MAP7D2: variants seen among roughly 807,000 people sequenced by gnomAD.
MAP7D2 encodes the protein MAP7 domain-containing protein 2.
A neutral mutation model predicts 63.5 loss-of-function variants in MAP7D2; 33 were observed. The ratio of observed to expected loss-of-function variants is 0.52; its 90% CI spans 0.39 to 0.70. The LOEUF (loss-of-function observed/expected upper bound fraction) is 0.70. MAP7D2 is among the 30% of genes least tolerant of loss of function. The probability of loss-of-function intolerance (pLI) is 0.00; values close to 1 mark genes in which losing one functional copy is unlikely to be tolerated. For synonymous variants in MAP7D2, 224 were observed against 223.7 expected (o/e 1.00, Z -0.01); for missense variants, 626 against 604.0 (o/e 1.04, Z -0.38).
At chrX:20,081,487 A>G (rs2065776386) in intron 1 of MAP7D2, among the ~76,000 whole-genome samples, 1 of 111,029 alleles carries the variant, frequency 9.0e-6, no homozygotes, top group Admixed American at 9.6e-5. Context: ...TATTGTCCTC[A>G]TTCCTTGTTT....
Position 20,063,405 on chromosome X carries a change from G to A in MAP7D2, c.372+9C>T. Reference sequence around the variant, plus strand: ...CTGGAAGGTGGCGGAGGGTGCACCTGGGCCTTACCTCCTCCTCCCGGAGCT... The same window carrying A: ...CTGGAAGGTGGCGGAGGGTGCACCTAGGCCTTACCTCCTCCTCCCGGAGCT... On this transcript the variant is annotated intron_variant, in intron 3 of 16. Transcript: ENST00000379643. 1 of 1,208,753 alleles carries A rather than the reference G, an allele frequency of 8.3e-7. No individual in the cohort carries two copies. Among genetic ancestry groups the A allele is most frequent in the Non-Finnish European group, 1.1e-6 (1 of 894,200 alleles).
rs180883535 is a variant in MAP7D2 at position 20,099,770 on chromosome X, A to C, written c.130+16980T>G. ...AAACCTGAGTCCCTGCAAAGGGTCCAAGATCAGACTCCCCAGTAGCCAGCT... is the reference window on the plus strand; with the variant it reads ...AAACCTGAGTCCCTGCAAAGGGTCCCAGATCAGACTCCCCAGTAGCCAGCT... On this transcript the variant is annotated intron_variant, in intron 1 of 16. Transcript: ENST00000379643. 5.7e-3 allele frequency among the ~76,000 whole-genome samples: 641 copies of C among 112,397 alleles called. 1 individual carries two copies. The highest frequency in any genetic ancestry group is 9.2e-3 in the Middle Eastern group (2 of 217).
chrX:20,093,821 A>G (rs1461977828), intron 1 of MAP7D2, among the ~76,000 whole-genome samples: 1 of 111,433 alleles, frequency 9.0e-6, no homozygotes, highest in Non-Finnish European at 1.9e-5. Flanking sequence ...ATATTCTGGA[A>G]TTGATTGTGG....
rs1409817942 is a variant in MAP7D2, at chrX:20,094,576, A to G, written c.130+22174T>C. Reference sequence around the variant, plus strand: ...TATATATATATATATATACATATATATGTATATATATATATATTTTTTGAC... The same window carrying G: ...TATATATATATATATATACATATATGTGTATATATATATATATTTTTTGAC... On this transcript the variant is annotated intron_variant, in intron 1 of 16. Coordinates refer to ENST00000379643, the MANE Select transcript of MAP7D2 (RefSeq NM_001168465.2). Among the ~76,000 whole-genome samples the G allele has an allele frequency of 8.3e-5, 4 of 48,148 alleles. 1 individual carries two copies. The highest frequency in any genetic ancestry group is 1.1e-4 in the Non-Finnish European group (3 of 27,045). The allele number at this position is 48,148 out of a possible 115,157, so 41.8% of individuals were successfully genotyped here.
chrX:20,116,854 C>T lies in MAP7D2; in HGVS notation c.26G>A (p.Gly9Glu), dbSNP rs1326600408. Residue 9 changes from glycine to glutamate, a missense_variant, in exon 1 of 17, where the codon GGG becomes GAG. By Grantham distance (98) the Gly-to-Glu change is moderately conservative (BLOSUM62 -2). Coordinates refer to ENST00000379643, the MANE Select transcript of MAP7D2 (RefSeq NM_001168465.2). MERGGGGS[G>E]TGSRPEGTAR... ...AGTCCCCTCAGGCCGGGATCCCGTC[C>T]CGGAGCCGCCGCCGCCGCGCTCCAT... 28 of 1,151,220 alleles carry T rather than the reference C, an allele frequency of 2.4e-5. No individual in the cohort carries two copies. Among genetic ancestry groups the T allele is most frequent in the Non-Finnish European group, 3.1e-5 (27 of 867,852 alleles). The allele number at this position is 1,151,220 out of a possible 1,213,427, so 94.9% of individuals were successfully genotyped here. A position where few individuals can be genotyped will look rare whatever the true frequency, so the allele number is the denominator to read the frequency against.
chrX:20,043,026 A>G (rs1368880159), intron 7 of MAP7D2, among the ~76,000 whole-genome samples: 1 of 111,819 alleles, frequency 8.9e-6, no homozygotes, highest in Non-Finnish European at 1.9e-5. Context: ...ACATGGTATA[A>G]TGGGTCTGCA....
chrX:20,109,985 G>A (rs568727636), intron 1 of MAP7D2, among the ~76,000 whole-genome samples: 45 of 108,193 alleles, frequency 4.2e-4, no homozygotes, highest in African/African-American at 8.8e-4. Flanking sequence ...GCAGTGAGCC[G>A]AGATTGCACC....
chrX:20,087,196 A>T (rs1200711554), intron 1 of MAP7D2, among the ~76,000 whole-genome samples: 4 of 112,350 alleles, frequency 3.6e-5, no homozygotes, highest in African/African-American at 1.3e-4. Flanking sequence ...CCTGTAACAC[A>T]TATGCTATAG....
At chrX:20,025,240 G>A (rs766813324) in intron 9 of MAP7D2, among the ~76,000 whole-genome samples, 157 bp from the exon 10 acceptor site, 31 of 112,466 alleles carry the variant, frequency 2.8e-4, no homozygotes, top group Non-Finnish European at 4.5e-4. Context: ...CACCAAGCAA[G>A]AGAAGCTGTC....
At chrX:20,031,555 T>C (rs2074052818) in intron 8 of MAP7D2, among the ~76,000 whole-genome samples, 1 of 110,079 alleles carries the variant, frequency 9.1e-6, no homozygotes, top group African/African-American at 3.3e-5. Flanking sequence ...TCACTTGAGG[T>C]CAGGAGTTTG....
chrX:20,056,757 T>C lies in MAP7D2; in HGVS notation c.407A>G (p.Glu136Gly). ...RLEAMMRRSLERTQQLELKKK... is the reference protein window; with the variant it reads ...RLEAMMRRSLGRTQQLELKKK... ...TTTCAGCTCCAGCTGCTGTGTGCGC[T>C]CCAGGGACCGGCGCATCATCGCCTC... The change falls in exon 4 of 17, where the codon GAG becomes GGG. Residue 136 changes from glutamate (E) to glycine (G), a missense_variant. By Grantham distance (98) the Glu-to-Gly change is moderately conservative. Transcript: ENST00000379643. 1 of 1,211,515 alleles carries C rather than the reference T, an allele frequency of 8.3e-7. No homozygotes were observed. The highest frequency in any genetic ancestry group is 1.7e-5 in the African/African-American group (1 of 57,841).
At chrX:20,028,537 C>G (rs1265719631) in intron 8 of MAP7D2, among the ~76,000 whole-genome samples, 1 of 112,144 alleles carries the variant, frequency 8.9e-6, no homozygotes, top group Non-Finnish European at 1.9e-5. Flanking sequence ...TGTGTACTAA[C>G]TGTACACATT....
chrX:20,048,951 G>A (rs757086981), intron 6 of MAP7D2, among the ~76,000 whole-genome samples: 1 of 107,821 alleles, frequency 9.3e-6, no homozygotes, highest in African/African-American at 3.5e-5. Flanking sequence ...ATACATATAT[G>A]TATACGTATA....
intron 7 of MAP7D2, among the ~76,000 whole-genome samples, 169 bp from the exon 8 acceptor site, chrX:20,042,798 A>C (rs929743954): frequency 2.7e-5 from 3 of 112,009 alleles, no homozygotes; most frequent in African/African-American, 9.8e-5. Context: ...TGAGGTCATC[A>C]CATTTGCATT....
At position 20,025,879 on chromosome X, in the gene MAP7D2, G is replaced by A. The variant is rs761153393; in HGVS notation, c.1081C>T (p.Arg361Cys). 17 of 1,211,459 alleles carry A rather than the reference G, an allele frequency of 1.4e-5. No individual in the cohort carries two copies. Among genetic ancestry groups the A allele is most frequent in the African/African-American group, 1.7e-5 (1 of 57,763 alleles). The part of the protein sequence containing the change: ...PPYPGSPVKY[R>C]LPALSGQDMP... ...TCTTGGCCAGAAAGGGCAGGTAAGC[G>A]GTACTTCACAGGAGACCCTGGGTAG... The change falls in exon 9 of 17, where the codon CGC becomes TGC. Residue 361 changes from arginine (R) to cysteine (C), a missense_variant. Physicochemically the swap from Arg to Cys is radical, Grantham distance 180. Transcript: ENST00000379643.
chrX:20,104,930 C>G (rs1456326414), intron 1 of MAP7D2, among the ~76,000 whole-genome samples: 1 of 112,260 alleles, frequency 8.9e-6, no homozygotes, highest in East Asian at 2.8e-4. Flanking sequence ...GCTGAAAACG[C>G]GCTAGGTATT....
At chrX:20,104,842 A>G (rs904640391) in intron 1 of MAP7D2, among the ~76,000 whole-genome samples, 3 of 111,918 alleles carry the variant, frequency 2.7e-5, no homozygotes, top group Non-Finnish European at 3.8e-5. Context: ...TACAATTAAT[A>G]GGGTAGAAAA....
At chrX:20,040,577 C>T (rs771271805) in intron 8 of MAP7D2, among the ~76,000 whole-genome samples, 1 of 111,205 alleles carries the variant, frequency 9.0e-6, no homozygotes, top group East Asian at 2.8e-4. Flanking sequence ...CACTAAGAGG[C>T]CATTGTTGGG....
chrX:20,086,754 A>G (rs1000082521), intron 1 of MAP7D2, among the ~76,000 whole-genome samples: 1 of 111,511 alleles, frequency 9.0e-6, no homozygotes, highest in Admixed American at 9.5e-5. Context: ...TGTCGGGCAC[A>G]GTCCTAAATG....
Sources: allele counts gnomAD v4.1 joint callset (sites outside exome capture counted in the v4.1 genomes callset), GRCh38; gene constraint gnomAD v4.1.1; transcripts MANE v1.5; gene names NCBI Gene and HGNC (gene_info 2026-07-23, HGNC 2026-07-21).